OPCML: variants seen among roughly 807,000 people sequenced by gnomAD.
OPCML encodes opioid binding protein/cell adhesion molecule like.
Under a neutral mutation model 37.8 loss-of-function variants are expected in OPCML, and 13 were observed. That is an observed-to-expected ratio of 0.34 (90% CI 0.22 to 0.55). The LOEUF (loss-of-function observed/expected upper bound fraction) is 0.55. Among genes scored for constraint, OPCML ranks in the 20% least tolerant of loss-of-function variants. The pLI, the probability that OPCML is intolerant of heterozygous loss-of-function variation, is 0.91. For synonymous variants in OPCML, 176 were observed against 168.8 expected, an observed-to-expected ratio of 1.04 and a Z score of -0.33; for missense variants, 341 against 435.6, an observed-to-expected ratio of 0.78 and a Z score of 1.93.
At chr11:133,089,674 C>G (rs1450632632) in intron 1 of OPCML, among the ~76,000 whole-genome samples, 1 of 151,928 alleles carries the variant, frequency 6.6e-6, no homozygotes, top group Non-Finnish European at 1.5e-5. Flanking sequence ...CAGGCAGTAA[C>G]TACGTACTGA....
chr11:133,138,563 G>A (rs1949725490), intron 1 of OPCML, among the ~76,000 whole-genome samples: 1 of 152,104 alleles, frequency 6.6e-6, no homozygotes, highest in Admixed American at 6.6e-5. Context: ...AGGACAATCT[G>A]CTTAATTTCC....
intron 1 of OPCML, among the ~76,000 whole-genome samples, chr11:133,441,538 T>C (rs1946364647): frequency 6.6e-6 from 1 of 152,152 alleles, no homozygotes; most frequent in African/African-American, 2.4e-5. Context: ...AAACCATACA[T>C]TTTATAATTT....
At chr11:133,030,049 C>T (rs79179586) in intron 1 of OPCML, among the ~76,000 whole-genome samples, 2 of 152,076 alleles carry the variant, frequency 1.3e-5, no homozygotes, top group East Asian at 3.9e-4. Context: ...AGAGCTGCTC[C>T]CTGTCACATC....
intron 2 of OPCML, among the ~76,000 whole-genome samples, chr11:132,840,014 C>A (rs1185669270): frequency 2.0e-5 from 3 of 152,062 alleles, no homozygotes; most frequent in East Asian, 3.9e-4. Context: ...GAGGAGAAAG[C>A]CCCTGGGAAA....
chr11:132,999,681 G>A (rs946608792), intron 1 of OPCML, among the ~76,000 whole-genome samples: 2 of 152,114 alleles, frequency 1.3e-5, no homozygotes, highest in Non-Finnish European at 2.9e-5. Flanking sequence ...AGCCAGAGGC[G>A]GCCATCAGAA....
At position 133,230,602 on chromosome 11, in the gene OPCML, G is replaced by A. The variant is rs747842644; in HGVS notation, c.62-287592C>T. Among the ~76,000 whole-genome samples, 6 of 152,078 alleles carry A rather than the reference G, an allele frequency of 3.9e-5. No homozygotes were observed. In the South Asian group the frequency reaches 6.2e-4, roughly 16 times the overall value. On this transcript the variant is annotated intron_variant, in intron 1 of 7. Coordinates refer to ENST00000524381, the MANE Select transcript of OPCML (RefSeq NM_001012393.5). ...TTAACAAGACCTTATCTGGCACTTC[G>A]CATTCCTAGAATGTTTGGTGGCCAT...
intron 7 of OPCML, among the ~76,000 whole-genome samples, chr11:132,429,780 G>C (rs575037860): frequency 2.6e-5 from 4 of 152,256 alleles, no homozygotes; most frequent in East Asian, 3.9e-4. Context: ...CTGGGGCAAG[G>C]CTCACATATC....
intron 1 of OPCML, among the ~76,000 whole-genome samples, chr11:133,168,559 A>G (rs1172238071): frequency 6.6e-6 from 1 of 152,216 alleles, no homozygotes; most frequent in Non-Finnish European, 1.5e-5. Context: ...GTAATAAAAT[A>G]AGTAAATATA....
chr11:132,523,708 C>A (rs1374176469), intron 4 of OPCML, among the ~76,000 whole-genome samples: 2 of 152,096 alleles, frequency 1.3e-5, no homozygotes, highest in Non-Finnish European at 2.9e-5. Context: ...AAGATACAAT[C>A]GATATGTATA....
intron 2 of OPCML, among the ~76,000 whole-genome samples, chr11:132,815,671 G>C (rs1939592832): frequency 6.6e-6 from 1 of 152,136 alleles, no homozygotes; most frequent in African/African-American, 2.4e-5. Context: ...GGAGATTATT[G>C]TGACCCCCCA....
chr11:133,325,856 C>A (rs138169238), intron 1 of OPCML, among the ~76,000 whole-genome samples: 3 of 152,164 alleles, frequency 2.0e-5, no homozygotes, highest in Admixed American at 2.0e-4. Flanking sequence ...TCCTGCAATG[C>A]GGCCCTCTGT....
intron 1 of OPCML, among the ~76,000 whole-genome samples, chr11:132,954,738 G>A (rs1439136425): frequency 6.6e-6 from 1 of 152,164 alleles, no homozygotes; most frequent in East Asian, 1.9e-4. Context: ...GGGTACTAAT[G>A]AAGTCACTGA....
At chr11:133,230,490 C>T (rs1458188024) in intron 1 of OPCML, among the ~76,000 whole-genome samples, 1 of 152,206 alleles carries the variant, frequency 6.6e-6, no homozygotes, top group African/African-American at 2.4e-5. Context: ...AACAAAAGCA[C>T]AGGCCTTGAA....
At chr11:133,357,704 T>C (rs148793539) in intron 1 of OPCML, among the ~76,000 whole-genome samples, 48 of 152,304 alleles carry the variant, frequency 3.2e-4, no homozygotes, top group African/African-American at 9.9e-4. Flanking sequence ...AGAATTTTCC[T>C]CCTCCTTTTC....
intron 2 of OPCML, among the ~76,000 whole-genome samples, chr11:132,809,651 A>C (rs943418846): frequency 6.6e-6 from 1 of 152,084 alleles, no homozygotes; most frequent in Non-Finnish European, 1.5e-5. Flanking sequence ...AAAAAACTAA[A>C]AATTTTAATT....
chr11:133,177,218 C>T lies in OPCML; in HGVS notation c.62-234208G>A, dbSNP rs539947025. On this transcript the variant is annotated intron_variant, in intron 1 of 7. Coordinates refer to ENST00000524381, the MANE Select transcript of OPCML (RefSeq NM_001012393.5). The surrounding 1 kb of genome is among the most constrained non-coding windows in gnomAD (Gnocchi z 5.0). The stretch of plus-strand genomic sequence containing the variant: ...GGCACAGCAACGTGTGTCTGTGTGC[C>T]TGTTGATAGCGTCTGATCCAAGCAG... Among the ~76,000 whole-genome samples the T allele has an allele frequency of 6.6e-6, 1 of 152,322 alleles. No homozygotes were observed. Among genetic ancestry groups the T allele is most frequent in the South Asian group, 2.1e-4 (1 of 4,822 alleles).
intron 1 of OPCML, among the ~76,000 whole-genome samples, chr11:133,148,688 G>C (rs1329731486): frequency 6.6e-6 from 1 of 152,178 alleles, no homozygotes; most frequent in African/African-American, 2.4e-5. Context: ...CGCCCTCCAG[G>C]GGAGGAGGGG....
intron 1 of OPCML, among the ~76,000 whole-genome samples, chr11:133,143,604 T>C (rs1949856405): frequency 6.6e-6 from 1 of 152,198 alleles, no homozygotes; most frequent in Non-Finnish European, 1.5e-5. Context: ...GAATAACTAA[T>C]GCACTGTTCA....
At chr11:132,576,714 T>C (rs192545808) in intron 3 of OPCML, among the ~76,000 whole-genome samples, 1 of 152,320 alleles carries the variant, frequency 6.6e-6, no homozygotes, top group African/African-American at 2.4e-5. Context: ...GCATATTAGA[T>C]TGATTATTTA....
Sources: gnomAD v4.1 joint callset for allele counts (sites outside exome capture counted in the v4.1 genomes callset) on GRCh38, gnomAD v4.1.1 for gene constraint, Gnocchi (gnomAD v3.1) non-coding constraint, MANE v1.5 for transcripts, NCBI Gene and HGNC (gene_info 2026-07-23, HGNC 2026-07-21) for gene names.